BMPR2: variants seen among roughly 807,000 people sequenced by gnomAD.
The protein encoded by BMPR2 is bone morphogenetic protein receptor type-2.
A neutral mutation model predicts 100.8 loss-of-function variants in BMPR2; 29 were observed. The ratio of observed to expected loss-of-function variants is 0.29; its 90% CI spans 0.21 to 0.39. The LOEUF is 0.39. Among genes scored for constraint, BMPR2 ranks in the 10% least tolerant of loss-of-function variants. The pLI is 1.00. For synonymous variants in BMPR2, 382 were observed against 442.3 expected (o/e 0.86, Z 1.71); for missense variants, 1,011 against 1,274.5 (o/e 0.79, Z 3.15).
intron 1 of BMPR2, among the ~76,000 whole-genome samples, chr2:202,458,476 A>AT (rs1692166061): frequency 1.3e-5 from 2 of 151,852 alleles, no homozygotes; most frequent in African/African-American, 4.8e-5. Flanking sequence ...TCTCAAAAAA[A>AT]ATTTTTTTTT....
At chr2:202,539,187 T>C (rs574003509) in intron 9 of BMPR2, among the ~76,000 whole-genome samples, 24 of 152,236 alleles carry the variant, frequency 1.6e-4, no homozygotes, top group Admixed American at 1.4e-3. Flanking sequence ...GATTTCAGCC[T>C]GAGGAAGCTG....
intron 1 of BMPR2, among the ~76,000 whole-genome samples, chr2:202,424,409 G>A (rs1325389711): frequency 6.7e-6 from 1 of 149,100 alleles, no homozygotes; most frequent in Non-Finnish European, 1.5e-5. Context: ...TATAAGCTGT[G>A]GCCCTAGGTC....
chr2:202,484,470 C>T (rs894143329), intron 3 of BMPR2, among the ~76,000 whole-genome samples: 30 of 150,696 alleles, frequency 2.0e-4, no homozygotes, highest in African/African-American at 5.1e-4. Context: ...GTCAGGAGAT[C>T]GAGACCATCC....
At chr2:202,423,117 A>G (rs1206020720) in intron 1 of BMPR2, among the ~76,000 whole-genome samples, 2 of 152,018 alleles carry the variant, frequency 1.3e-5, no homozygotes, top group East Asian at 1.9e-4. Context: ...TTGAACTCCA[A>G]ACCTCAAGTG....
At chr2:202,409,494 A>C (rs1219456156) in intron 1 of BMPR2, among the ~76,000 whole-genome samples, 2 of 152,168 alleles carry the variant, frequency 1.3e-5, no homozygotes. Context: ...GGCAAGGAGG[A>C]TCACTTGAAC....
rs777889469 is a variant in BMPR2, at chr2:202,513,740, G to A, written c.440G>A (p.Arg147Gln). ...TTAGGTCCACCTCATTCATTTAACC[G>A]AGATGAGACAATAATCATTGCTTTG... The part of the protein sequence containing the change: ...TPLSPPHSFN[R>Q]DETIIIALAS... Residue 147 changes from arginine (R) to glutamine (Q), a missense_variant, in exon 4 of 13, where the codon CGA becomes CAA. Around this residue, in one of 6 missense-constraint regions of BMPR2, gnomAD observed 355 missense variants for 455.3 expected, o/e 0.78. Coordinates refer to ENST00000374580, the MANE Select transcript of BMPR2 (RefSeq NM_001204.7). 47 of 1,612,494 alleles carry A rather than the reference G, an allele frequency of 2.9e-5. No individual in the cohort carries two copies. Among genetic ancestry groups the A allele is most frequent in the Admixed American group, 2.7e-4 (16 of 59,932 alleles).
chr2:202,437,697 A>C (rs1412278198), intron 1 of BMPR2, among the ~76,000 whole-genome samples: 1 of 150,584 alleles, frequency 6.6e-6, no homozygotes. Flanking sequence ...ATATCCTGTA[A>C]GTTGAGTCGT....
At chr2:202,413,491 A>T (rs1408180045) in intron 1 of BMPR2, among the ~76,000 whole-genome samples, 1 of 152,202 alleles carries the variant, frequency 6.6e-6, no homozygotes, top group East Asian at 1.9e-4. Flanking sequence ...TGGTGAGCAC[A>T]GGCTTATAGC....
At chr2:202,518,127 CTTTTTT>C (rs35869694) in intron 5 of BMPR2, among the ~76,000 whole-genome samples, 8 of 77,018 alleles carry the variant, frequency 1.0e-4, no homozygotes, top group Admixed American at 1.6e-4. Flanking sequence ...CGCCTGGCCT[CTTTTTT>C]TTTTTTTTTT....
At chr2:202,395,905 C>G (rs140919092) in intron 1 of BMPR2, among the ~76,000 whole-genome samples, 5,239 of 152,096 alleles carry the variant, frequency 0.034, 307 homozygotes, top group African/African-American at 0.12. Flanking sequence ...CCATTGCACT[C>G]CAGCCTGGGC....
intron 1 of BMPR2, among the ~76,000 whole-genome samples, chr2:202,379,896 C>T (rs930566433): frequency 6.6e-6 from 1 of 151,016 alleles, no homozygotes; most frequent in Non-Finnish European, 1.5e-5. Flanking sequence ...ATCACTCTGT[C>T]GCCCAGGCTG....
intron 9 of BMPR2, among the ~76,000 whole-genome samples, chr2:202,540,246 A>T (rs567590815): frequency 3.3e-5 from 5 of 151,478 alleles, no homozygotes; most frequent in Non-Finnish European, 7.4e-5. Context: ...AAAAAAAAAT[A>T]ATAAATAACA....
intron 1 of BMPR2, among the ~76,000 whole-genome samples, chr2:202,393,932 A>ATT (rs138804716): frequency 8.9e-5 from 11 of 123,024 alleles, no homozygotes; most frequent in African/African-American, 1.6e-4. Flanking sequence ...AGAGAGAGAG[A>ATT]GATTCCTGTG....
chr2:202,454,379 G>A (rs1692049129), intron 1 of BMPR2, among the ~76,000 whole-genome samples: 1 of 152,100 alleles, frequency 6.6e-6, no homozygotes, highest in East Asian at 1.9e-4. Context: ...CCCTGAATAT[G>A]TAGAATTTAA....
At chr2:202,494,577 A>T (rs2105984782) in intron 3 of BMPR2, among the ~76,000 whole-genome samples, 1 of 152,368 alleles carries the variant, frequency 6.6e-6, no homozygotes, top group Non-Finnish European at 1.5e-5. Flanking sequence ...CAACTATTGC[A>T]CAGGCATACA....
chr2:202,541,804 G>A (rs1351963443), intron 9 of BMPR2, among the ~76,000 whole-genome samples: 7 of 152,162 alleles, frequency 4.6e-5, no homozygotes, highest in African/African-American at 1.7e-4. Context: ...ACTATTCTAA[G>A]CAAAACATTC....
intron 1 of BMPR2, among the ~76,000 whole-genome samples, chr2:202,431,020 A>ATCTATATTTTAAGAACT (rs1691492623): frequency 1.3e-5 from 2 of 150,616 alleles, no homozygotes; most frequent in Admixed American, 1.3e-4. Context: ...ATGATTAAAA[A>ATCTATATTTTAAGAACT]CTTTAGAAAG....
Position 202,428,557 on chromosome 2 carries a change from C to T in BMPR2, c.77-36252C>T, listed in dbSNP as rs1382705906. ...AGGACCACAGGTGCATGCCACCACACCCTGGCTAATTTTAAAAAAGTTTTT... is the reference window on the plus strand; with the variant it reads ...AGGACCACAGGTGCATGCCACCACATCCTGGCTAATTTTAAAAAAGTTTTT... On this transcript the variant is annotated intron_variant, in intron 1 of 12. Coordinates refer to ENST00000374580, the MANE Select transcript of BMPR2 (RefSeq NM_001204.7). Among the ~76,000 whole-genome samples, 4 of 152,048 alleles carry T rather than the reference C, an allele frequency of 2.6e-5. No homozygotes were observed. In the East Asian group the frequency reaches 7.7e-4, roughly 29 times the overall value.
chr2:202,527,728 AGTGAGCCGACATTGC>A (rs1687944194), intron 7 of BMPR2, among the ~76,000 whole-genome samples: 1 of 151,440 alleles, frequency 6.6e-6, no homozygotes, highest in Non-Finnish European at 1.5e-5. Context: ...CGGAGCTTGC[AGTGAGCCGACATTGC>A]GCCACTGCAG....
Sources: gnomAD v4.1 joint callset for allele counts (sites outside exome capture counted in the v4.1 genomes callset) on GRCh38, gnomAD v4.1.1 for gene constraint, gnomAD v4.1.1 regional missense constraint, MANE v1.5 for transcripts, NCBI Gene and HGNC (gene_info 2026-07-23, HGNC 2026-07-21) for gene names.